Variants in ING5 observed in about 807,000 individuals in gnomAD.
ING5 encodes the protein inhibitor of growth protein 5.
A neutral mutation model predicts 37.4 loss-of-function variants in ING5; 17 were observed. The ratio of observed to expected loss-of-function variants is 0.45; its 90% CI spans 0.31 to 0.68. The LOEUF (loss-of-function observed/expected upper bound fraction) is 0.68. Among genes scored for constraint, ING5 ranks in the 30% least tolerant of loss-of-function variants. The pLI, the probability that ING5 is intolerant of heterozygous loss-of-function variation, is 0.05. For synonymous variants in ING5, 123 were observed against 116.6 expected, an observed-to-expected ratio of 1.06 and a Z score of -0.36; for missense variants, 233 against 311.9, an observed-to-expected ratio of 0.75 and a Z score of 1.91.
chr2:241,699,369 G>C (rs1457783087), upstream of ING5, among the ~76,000 whole-genome samples: 2 of 152,052 alleles, frequency 1.3e-5, no homozygotes, highest in Non-Finnish European at 2.9e-5. Context: ...CATTGTTTCT[G>C]GTTTTCAATA....
At chr2:241,717,989 T>G (rs1263737548) in intron 5 of ING5, among the ~76,000 whole-genome samples, 1 of 152,220 alleles carries the variant, frequency 6.6e-6, no homozygotes, top group Admixed American at 6.5e-5. Flanking sequence ...TTTTTCTTTC[T>G]GTACTTCAGT....
At position 241,702,109 on chromosome 2, in the gene ING5, G is replaced by C. The variant is rs1191906143; in HGVS notation, c.37+7G>C. ...TTGGAGCACTATCTGGACAGTAAGC[G>C]CGCCCCACGGGCCCCGCGCCCGCCG... On this transcript the variant is annotated splice_region_variant and intron_variant, in intron 1 of 7. Coordinates refer to ENST00000313552, the MANE Select transcript of ING5 (RefSeq NM_032329.6). 7.5e-7 allele frequency: 1 copy of C among 1,325,836 alleles called. No homozygotes were observed. The highest frequency in any genetic ancestry group is 3.2e-5 in the Admixed American group (1 of 31,056). 82.1% of individuals were successfully genotyped at this position (1,325,836 alleles called of 1,614,324 possible). A position where few individuals can be genotyped will look rare whatever the true frequency, so the allele number is the denominator to read the frequency against.
upstream of ING5, among the ~76,000 whole-genome samples, chr2:241,698,068 G>A (rs2069655892): frequency 1.5e-5 from 2 of 136,486 alleles, no homozygotes; most frequent in Admixed American, 1.6e-4. Flanking sequence ...GGGCGAAGAA[G>A]CCAGGCTCCA....
intron 2 of ING5, among the ~76,000 whole-genome samples, chr2:241,691,239 G>A (rs1340799573): frequency 2.0e-5 from 3 of 150,206 alleles, no homozygotes; most frequent in Admixed American, 1.3e-4. Flanking sequence ...AGGAGTTCAA[G>A]ACCAGCCTAG....
chr2:241,711,300 T>C (rs1478316377), intron 3 of ING5, 77 bp from the exon 4 acceptor site: 2 of 1,005,710 alleles, frequency 2.0e-6, no homozygotes, highest in South Asian at 2.2e-5. Context: ...TGTTTCCTGG[T>C]GGATACTTTT....
exon 2 of ING5, chr2:241,689,905 C>T (rs2069523850): frequency 7.1e-6 from 1 of 140,712 alleles, no homozygotes; most frequent in Non-Finnish European, 1.6e-5. Context: ...GTAAGGAAGA[C>T]CACCTTCCAG....
intron 5 of ING5, chr2:241,719,639 A>C: frequency 1.3e-6 from 2 of 1,535,598 alleles, no homozygotes; most frequent in Non-Finnish European, 1.7e-6. Context: ...GAATGCAGGC[A>C]CTGGGGGTCC....
intron 7 of ING5, chr2:241,723,722 GGT>G: frequency 6.3e-7 from 1 of 1,586,006 alleles, no homozygotes; most frequent in Middle Eastern, 1.7e-4. Context: ...AGTGGAGAAG[GGT>G]GTGTTTTCTC....
At chr2:241,720,650 C>A (rs989771675) in intron 5 of ING5, 3 of 985,606 alleles carry the variant, frequency 3.0e-6, no homozygotes, top group Non-Finnish European at 2.4e-6. Context: ...GGGAAGCCAT[C>A]GGGGCCGGGC....
intron 5 of ING5, among the ~76,000 whole-genome samples, chr2:241,716,338 T>C (rs1408907200): frequency 7.2e-6 from 1 of 137,984 alleles, no homozygotes; most frequent in East Asian, 2.2e-4. Context: ...CAGGCTGGAG[T>C]ACAATTTGCA....
In ING5 at chr2:241,709,242, G is replaced by C; in HGVS notation, c.136G>C (p.Ala46Pro). The C allele has an allele frequency of 5.0e-6, 8 of 1,612,956 alleles. No individual in the cohort carries two copies. The highest frequency in any genetic ancestry group is 6.8e-6 in the Non-Finnish European group (8 of 1,179,532). Residue 46 changes from alanine to proline, a missense_variant, in exon 3 of 8, where the codon GCT becomes CCT. By Grantham distance (27) the Ala-to-Pro change is conservative. This residue lies in a region of ING5 where 93 missense variants were observed against 99.7 expected (regional missense o/e 0.93). Coordinates refer to ENST00000313552, the MANE Select transcript of ING5 (RefSeq NM_032329.6). ...EDKKAEIDILAAEYISTVKTL... is the reference protein window; with the variant it reads ...EDKKAEIDILPAEYISTVKTL... ...TAAGAAAGCAGAGATTGACATCCTG[G>C]CTGCAGAGTACATCTCCACGGTGAA...
chr2:241,691,644 G>A (rs1325974275), intron 2 of ING5, among the ~76,000 whole-genome samples: 1 of 152,166 alleles, frequency 6.6e-6, no homozygotes, highest in Non-Finnish European at 1.5e-5. Flanking sequence ...TAAGGTGCCC[G>A]ACAGATTGCT....
At chr2:241,715,788 A>G (rs1019984434) in intron 5 of ING5, among the ~76,000 whole-genome samples, 16 of 137,170 alleles carry the variant, frequency 1.2e-4, no homozygotes, top group Non-Finnish European at 2.3e-4. Flanking sequence ...CACCTGACCT[A>G]GAATTTTTTT....
chr2:241,703,093 C>T (rs2069793784), intron 1 of ING5, among the ~76,000 whole-genome samples: 1 of 152,042 alleles, frequency 6.6e-6, no homozygotes, highest in African/African-American at 2.4e-5. Flanking sequence ...GTGGGGGGTT[C>T]CCTGGGTAGA....
intron 1 of ING5, among the ~76,000 whole-genome samples, chr2:241,703,569 C>G (rs970809077): frequency 6.9e-6 from 1 of 144,080 alleles, no homozygotes; most frequent in African/African-American, 2.6e-5. Context: ...CCTATGGCCA[C>G]CACTGTCTTG....
intron 2 of ING5, among the ~76,000 whole-genome samples, chr2:241,693,190 C>A (rs1052994303): frequency 1.5e-5 from 2 of 135,840 alleles, no homozygotes; most frequent in African/African-American, 2.8e-5. Flanking sequence ...ACCCAGGAGG[C>A]GGAGGTTGCA....
intron 7 of ING5, chr2:241,724,034 A>T (rs780424635): frequency 3.7e-5 from 52 of 1,387,638 alleles, no homozygotes; most frequent in Non-Finnish European, 4.7e-5. Flanking sequence ...AAAGATAAAA[A>T]CCTGGCTTTG....
Position 241,725,910 on chromosome 2 carries a change from C to T in ING5, c.*879C>T, listed in dbSNP as rs1398722093. ...TGCCTGTGCTGTGCATTCCCAGGCC[C>T]GCAGCTCCCGGTCGAGGGGACTCCG... On this transcript the variant is annotated 3_prime_UTR_variant, in exon 8 of 8. Transcript: ENST00000313552. The T allele has an allele frequency of 6.6e-6, 1 of 152,640 alleles. No homozygotes were observed. Among genetic ancestry groups the T allele is most frequent in the Non-Finnish European group, 1.5e-5 (1 of 68,048 alleles). 9.5% of individuals were successfully genotyped at this position (152,640 alleles called of 1,614,324 possible). A position where few individuals can be genotyped will look rare whatever the true frequency, so the allele number is the denominator to read the frequency against.
intron 5 of ING5, chr2:241,712,281 G>T: frequency 1.9e-6 from 1 of 513,232 alleles, no homozygotes. Context: ...AGTGTCGCAG[G>T]GACCTGCCCA....
Sources: gnomAD v4.1 joint callset for allele counts (sites outside exome capture counted in the v4.1 genomes callset) on GRCh38, gnomAD v4.1.1 for gene constraint, gnomAD v4.1.1 regional missense constraint, MANE v1.5 for transcripts, NCBI Gene and HGNC (gene_info 2026-07-23, HGNC 2026-07-21) for gene names.